The following RNF144B variants were observed in gnomAD, a reference collection of about 807,000 sequenced individuals.
RNF144B encodes E3 ubiquitin-protein ligase RNF144B.
In RNF144B, 25 loss-of-function variants were observed where a neutral mutation model predicts 40.2. The observed-to-expected ratio is 0.62, with a 90% CI of 0.45 to 0.87. The LOEUF (loss-of-function observed/expected upper bound fraction) is 0.87, where lower values mean the gene tolerates loss of function less well. RNF144B is among the 40% of genes least tolerant of loss of function. The pLI is 0.00. For missense variants in RNF144B, 365 were observed against 373.7 expected (o/e 0.98, Z 0.19); for synonymous variants, 145 against 136.3 (o/e 1.06, Z -0.44).
chr6:18,415,950 A>G (rs1037130349), intron 2 of RNF144B, among the ~76,000 whole-genome samples: 7 of 152,100 alleles, frequency 4.6e-5, no homozygotes, highest in African/African-American at 1.7e-4. Flanking sequence ...GAAATGACAA[A>G]TGAATTCAGT....
intron 3 of RNF144B, among the ~76,000 whole-genome samples, chr6:18,432,933 G>A (rs1431183403): frequency 6.6e-6 from 1 of 152,240 alleles, no homozygotes; most frequent in Non-Finnish European, 1.5e-5. Context: ...CTGTAAGAAG[G>A]GAGTTAGGGC....
At chr6:18,402,965 G>A (rs1323240687) in intron 2 of RNF144B, among the ~76,000 whole-genome samples, 1 of 152,192 alleles carries the variant, frequency 6.6e-6, no homozygotes, top group Non-Finnish European at 1.5e-5. Context: ...AGAACATGAG[G>A]TGTATTACAG....
rs1233110351 is a variant in RNF144B at position 18,414,819 on chromosome 6, A to G, written c.166-12762A>G. ...TTTCTATTCTTGAAGGTGAAAAAGA[A>G]CAAAAACTTTTAAAAAGATGGAAAA... On this transcript the variant is annotated intron_variant, in intron 2 of 7. Transcript: ENST00000259939. The surrounding 1 kb of genome is among the most constrained non-coding windows in gnomAD (Gnocchi z 4.9). Among the ~76,000 whole-genome samples, 2 of 152,220 alleles carry G rather than the reference A, an allele frequency of 1.3e-5. No homozygotes were observed. The highest frequency in any genetic ancestry group is 4.8e-5 in the African/African-American group (2 of 41,458).
chr6:18,462,811 G>A (rs978169526), intron 6 of RNF144B, among the ~76,000 whole-genome samples: 15 of 151,948 alleles, frequency 9.9e-5, no homozygotes, highest in Non-Finnish European at 1.8e-4. Flanking sequence ...TCAATAAAGC[G>A]ACTGCCTTCT....
intron 2 of RNF144B, among the ~76,000 whole-genome samples, chr6:18,417,107 G>A (rs1162643119): frequency 5.9e-5 from 9 of 152,012 alleles, no homozygotes; most frequent in Admixed American, 5.9e-4. Context: ...AATTTTAAAA[G>A]ACTAAATAAA....
Position 18,448,481 on chromosome 6 carries a change from G to A in RNF144B, c.332-8674G>A, listed in dbSNP as rs1008682151. 3.9e-5 allele frequency among the ~76,000 whole-genome samples: 6 copies of A among 152,052 alleles called. No individual in the cohort carries two copies. The highest frequency in any genetic ancestry group is 6.6e-5 in the Admixed American group (1 of 15,256). On this transcript the variant is annotated intron_variant, in intron 4 of 7. Transcript: ENST00000259939. The surrounding 1 kb of genome is among the most constrained non-coding windows in gnomAD (Gnocchi z 4.0). ...AGAAAAGGGGTAATGCAGATTTGAA[G>A]CAAAAGGAGGAGCTTTATGTAATAT...
Position 18,442,086 on chromosome 6 carries a change from G to A in RNF144B, c.331+2342G>A, listed in dbSNP as rs12203130. On this transcript the variant is annotated intron_variant, in intron 4 of 7. Transcript: ENST00000259939. The surrounding 1 kb of genome is among the most constrained non-coding windows in gnomAD (Gnocchi z 4.3). The stretch of plus-strand genomic sequence containing the variant: ...TTGAAGTTAATTGGCAACATCCATC[G>A]TTATGTGGGGCAAGGTAGATGTGGA... 1.3e-5 allele frequency among the ~76,000 whole-genome samples: 2 copies of A among 152,174 alleles called. No homozygotes were observed. Among genetic ancestry groups the A allele is most frequent in the Non-Finnish European group, 2.9e-5 (2 of 67,990 alleles).
At position 18,443,344 on chromosome 6, in the gene RNF144B, C is replaced by T. The variant is rs372512560; in HGVS notation, c.331+3600C>T. Among the ~76,000 whole-genome samples the T allele has an allele frequency of 1.3e-5, 2 of 152,270 alleles. No individual in the cohort carries two copies. Among genetic ancestry groups the T allele is most frequent in the African/African-American group, 4.8e-5 (2 of 41,556 alleles). On this transcript the variant is annotated intron_variant, in intron 4 of 7. Transcript: ENST00000259939. This position sits in a 1 kb window ranked among gnomAD's most constrained non-coding sequence, Gnocchi z 4.7. Reference sequence around the variant, plus strand: ...GTGGCACGAACTCTGCCCACTGCAACTTCCGCCTCCTGGGTTCAAGCGATT... The same window carrying T: ...GTGGCACGAACTCTGCCCACTGCAATTTCCGCCTCCTGGGTTCAAGCGATT...
In RNF144B at chr6:18,388,967, C is replaced by T. The variant is rs565372990; in HGVS notation, c.-37+1337C>T. Among the ~76,000 whole-genome samples the T allele has an allele frequency of 5.3e-5, 8 of 152,184 alleles. No homozygotes were observed. The East Asian group carries it at 1.5e-3, about 29-fold the overall frequency. On this transcript the variant is annotated intron_variant, in intron 1 of 7. Transcript: ENST00000259939. ...GATGTTGAGTAGTAGAATTGGGTTGCTTGGCTTTTTATTTAAAACAAACAA... is the reference window on the plus strand; with the variant it reads ...GATGTTGAGTAGTAGAATTGGGTTGTTTGGCTTTTTATTTAAAACAAACAA...
chr6:18,457,645 A>G lies in RNF144B; in HGVS notation c.536+286A>G, dbSNP rs1759360648. Among the ~76,000 whole-genome samples the G allele has an allele frequency of 6.6e-6, 1 of 152,162 alleles. No homozygotes were observed. Among genetic ancestry groups the G allele is most frequent in the African/African-American group, 2.4e-5 (1 of 41,434 alleles). Reference sequence around the variant, plus strand: ...GTGGTCTACTGGTTCTCAGTAGGAAATCATGACTTGTTCCCGCTCTTTGCT... The same window carrying G: ...GTGGTCTACTGGTTCTCAGTAGGAAGTCATGACTTGTTCCCGCTCTTTGCT... On this transcript the variant is annotated intron_variant, in intron 5 of 7. Coordinates refer to ENST00000259939, the MANE Select transcript of RNF144B (RefSeq NM_182757.4). The surrounding 1 kb of genome is among the most constrained non-coding windows in gnomAD (Gnocchi z 5.1).
chr6:18,423,637 A>G (rs1441040633), intron 2 of RNF144B, among the ~76,000 whole-genome samples: 2 of 152,172 alleles, frequency 1.3e-5, no homozygotes, highest in African/African-American at 2.4e-5. Context: ...ATTCCATTGC[A>G]TACAATTCAT....
chr6:18,416,767 T>G lies in RNF144B; in HGVS notation c.166-10814T>G, dbSNP rs1288946242. ...AATGCTTGTATTCTCTATGGAGAGGTTGGGTAGAAAAGAGTGATGAGGGGC... is the reference window on the plus strand; with the variant it reads ...AATGCTTGTATTCTCTATGGAGAGGGTGGGTAGAAAAGAGTGATGAGGGGC... On this transcript the variant is annotated intron_variant, in intron 2 of 7. Transcript: ENST00000259939. The surrounding 1 kb of genome is among the most constrained non-coding windows in gnomAD (Gnocchi z 5.5). Among the ~76,000 whole-genome samples, 1 of 152,180 alleles carries G rather than the reference T, an allele frequency of 6.6e-6. No individual in the cohort carries two copies. Among genetic ancestry groups the G allele is most frequent in the Admixed American group, 6.5e-5 (1 of 15,278 alleles).
chr6:18,430,673 A>G (rs1758672950), intron 3 of RNF144B, among the ~76,000 whole-genome samples: 1 of 149,836 alleles, frequency 6.7e-6, no homozygotes, highest in Non-Finnish European at 1.5e-5. Context: ...TTTTTTTTTT[A>G]AAGAGAGGGT....
chr6:18,389,838 A>G (rs1044517021), intron 1 of RNF144B, among the ~76,000 whole-genome samples: 1 of 152,214 alleles, frequency 6.6e-6, no homozygotes, highest in Non-Finnish European at 1.5e-5. Flanking sequence ...GTACTGAAAC[A>G]TTTCTTTCAG....
At chr6:18,387,766 C>A (rs978557073) in intron 1 of RNF144B, 136 bp downstream of exon 1, 2 of 569,656 alleles carry the variant, frequency 3.5e-6, no homozygotes, top group Non-Finnish European at 5.4e-6. Context: ...TCAAACCATA[C>A]AGAACTGAAT....
rs759960761 is a variant in RNF144B at position 18,439,759 on chromosome 6, T to C, written c.331+15T>C. 3.2e-6 allele frequency: 5 copies of C among 1,560,442 alleles called. No homozygotes were observed. Among genetic ancestry groups the C allele is most frequent in the African/African-American group, 1.4e-5 (1 of 73,910 alleles). On this transcript the variant is annotated intron_variant, in intron 4 of 7. Coordinates refer to ENST00000259939, the MANE Select transcript of RNF144B (RefSeq NM_182757.4). Reference sequence around the variant, plus strand: ...ATTTGAAAGAGGTATGAACTCTTCTTTTTTTCCTGATGATGAATGTGGTTT... The same window carrying C: ...ATTTGAAAGAGGTATGAACTCTTCTCTTTTTCCTGATGATGAATGTGGTTT...
At position 18,387,503 on chromosome 6, in the gene RNF144B, A is replaced by T; in HGVS notation, c.-164A>T. 7.7e-7 allele frequency: 1 copy of T among 1,307,120 alleles called. No homozygotes were observed. Among genetic ancestry groups the T allele is most frequent in the Non-Finnish European group, 1.0e-6 (1 of 999,358 alleles). The allele number at this position is 1,307,120 out of a possible 1,614,324, so 81.0% of individuals were successfully genotyped here. On this transcript the variant is annotated 5_prime_UTR_variant, in exon 1 of 8. Coordinates refer to ENST00000259939, the MANE Select transcript of RNF144B (RefSeq NM_182757.4). ...TGCAAAGTGTAAAGCTGTCAGCCGC[A>T]GAGCACGGAGGAAAGACGGAGAGAA...
Position 18,448,740 on chromosome 6 carries a change from CAA to C in RNF144B, c.332-8412_332-8411del, listed in dbSNP as rs1372412554. Among the ~76,000 whole-genome samples the C allele has an allele frequency of 6.7e-6, 1 of 150,310 alleles. No individual in the cohort carries two copies. Among genetic ancestry groups the C allele is most frequent in the African/African-American group, 2.4e-5 (1 of 40,962 alleles). On this transcript the variant is annotated intron_variant, in intron 4 of 7. Coordinates refer to ENST00000259939, the MANE Select transcript of RNF144B (RefSeq NM_182757.4). This position sits in a 1 kb window ranked among gnomAD's most constrained non-coding sequence, Gnocchi z 4.0. Reference sequence around the variant, plus strand: ...CACCCCACCCCCAAGATAGAACCAGCAAAAGTTTCATGAAACTAATGTGAGAT... The same window carrying C: ...CACCCCACCCCCAAGATAGAACCAGCAAGTTTCATGAAACTAATGTGAGAT...
At chr6:18,426,017 T>G (rs925957935) in intron 2 of RNF144B, among the ~76,000 whole-genome samples, 1 of 152,166 alleles carries the variant, frequency 6.6e-6, no homozygotes, top group African/African-American at 2.4e-5. Context: ...ACATGATTAG[T>G]TTTCTGAAGT....
Sources: gnomAD v4.1 joint callset for allele counts (sites outside exome capture counted in the v4.1 genomes callset) on GRCh38, gnomAD v4.1.1 for gene constraint, Gnocchi (gnomAD v3.1) non-coding constraint, MANE v1.5 for transcripts, NCBI Gene and HGNC (gene_info 2026-07-23, HGNC 2026-07-21) for gene names.